The following FAM53A variants were observed in gnomAD, a reference collection of about 807,000 sequenced individuals.
The protein encoded by FAM53A is family with sequence similarity 53 member A, also known as protein FAM53A.
In FAM53A, 28 loss-of-function variants were observed where a neutral mutation model predicts 26.6. That is an observed-to-expected ratio of 1.05 (90% confidence interval 0.78 to 1.45). FAM53A has a LOEUF of 1.45. FAM53A is among the 40% of genes most tolerant of loss of function. The pLI is 0.00. For missense variants in FAM53A, 650 were observed against 575.8 expected (o/e 1.13, Z -1.32); for synonymous variants, 290 against 253.1 (o/e 1.15, Z -1.38).
chr4:1,595,956 C>T, the FAM53A span, among the ~76,000 whole-genome samples: 2 of 152,234 alleles, frequency 1.3e-5, no homozygotes, highest in African/African-American at 4.8e-5. Context: ...TCACTGTCTG[C>T]CCAAGGCACG....
intron 1 of FAM53A, among the ~76,000 whole-genome samples, chr4:1,672,863 G>A (rs372943527): frequency 4.4e-4 from 63 of 143,576 alleles, no homozygotes; most frequent in African/African-American, 1.5e-3. Flanking sequence ...TCCGCCTCCC[G>A]GGTTCAAGCG....
the FAM53A span, among the ~76,000 whole-genome samples, chr4:1,597,531 AC>A: frequency 2.0e-5 from 3 of 151,890 alleles, no homozygotes; most frequent in African/African-American, 7.3e-5. Flanking sequence ...CCTGCTCCAG[AC>A]CCCCAGCCCC....
At chr4:1,608,220 C>T in the FAM53A span, among the ~76,000 whole-genome samples, 24 of 152,252 alleles carry the variant, frequency 1.6e-4, 1 homozygote, top group South Asian at 4.2e-3. Flanking sequence ...TCCTCAGCCC[C>T]TCCCGGCCTC....
intron 1 of FAM53A, among the ~76,000 whole-genome samples, chr4:1,677,966 T>C (rs1304004975): frequency 6.6e-6 from 1 of 151,878 alleles, no homozygotes; most frequent in Non-Finnish European, 1.5e-5. Context: ...AAATAAAGTT[T>C]ATACAGAGAG....
chr4:1,676,393 C>T lies in FAM53A; in HGVS notation c.-164-7488G>A, dbSNP rs116609730. Among the ~76,000 whole-genome samples, 567 of 152,310 alleles carry T rather than the reference C, an allele frequency of 3.7e-3. 4 individuals are homozygous for T. The highest frequency in any genetic ancestry group is 5.7e-3 in the Non-Finnish European group (389 of 68,034). Reference sequence around the variant, plus strand: ...GCTCCAGTGTGACCCCATCTTAACTCATTACATCTGCAACAACCCTATTTC... The same window carrying T: ...GCTCCAGTGTGACCCCATCTTAACTTATTACATCTGCAACAACCCTATTTC... On this transcript the variant is annotated intron_variant, in intron 1 of 4. Coordinates refer to ENST00000308132, the MANE Select transcript of FAM53A (RefSeq NM_001174070.3).
At chr4:1,593,642 C>G in the FAM53A span, among the ~76,000 whole-genome samples, 1 of 151,988 alleles carries the variant, frequency 6.6e-6, no homozygotes, top group African/African-American at 2.4e-5. Context: ...AAAGATAGCG[C>G]GATACTGTCG....
chr4:1,662,356 G>T (rs1713897246), intron 2 of FAM53A, among the ~76,000 whole-genome samples: 1 of 151,816 alleles, frequency 6.6e-6, no homozygotes, highest in African/African-American at 2.4e-5. Context: ...GTGGATGCCT[G>T]TAATCCCAGC....
Position 1,651,736 on chromosome 4 carries a change from A to G in FAM53A, c.882+3242T>C, listed in dbSNP as rs539861808. On this transcript the variant is annotated intron_variant, in intron 4 of 4. Transcript: ENST00000308132. ...CAGGGACACGCAGGCTCAGCAAGGGACCCAAAGCTGGGGACAGGGACACAC... is the reference window on the plus strand; with the variant it reads ...CAGGGACACGCAGGCTCAGCAAGGGGCCCAAAGCTGGGGACAGGGACACAC... Among the ~76,000 whole-genome samples, 399 of 149,548 alleles carry G rather than the reference A, an allele frequency of 2.7e-3. 2 individuals are homozygous for G. The highest frequency in any genetic ancestry group is 9.2e-3 in the African/African-American group (378 of 40,946).
intron 2 of FAM53A, among the ~76,000 whole-genome samples, chr4:1,665,995 CTGT>C (rs1714197400): frequency 8.2e-6 from 1 of 122,228 alleles, no homozygotes; most frequent in African/African-American, 3.3e-5. Context: ...CCTGCACCCC[CTGT>C]ATCTAAAATA....
At chr4:1,645,215 G>A (rs1712131788) in intron 4 of FAM53A, among the ~76,000 whole-genome samples, 1 of 152,240 alleles carries the variant, frequency 6.6e-6, no homozygotes, top group Non-Finnish European at 1.5e-5. Context: ...GGCCGGCCAA[G>A]CCACAGAGGC....
intron 1 of FAM53A, among the ~76,000 whole-genome samples, chr4:1,671,513 G>A (rs10016675): frequency 1.9e-4 from 1 of 5,268 alleles, no homozygotes; most frequent in African/African-American, 2.3e-4. Flanking sequence ...CCACAGCCAC[G>A]GCCCGGACTC....
At chr4:1,682,507 C>G (rs1236067310) in intron 1 of FAM53A, among the ~76,000 whole-genome samples, 1 of 151,974 alleles carries the variant, frequency 6.6e-6, no homozygotes, top group East Asian at 1.9e-4. Context: ...GTGATCTGCC[C>G]GCCTCGGCCT....
chr4:1,632,185 T>C (rs1040660040), intron 1 of FAM53A, among the ~76,000 whole-genome samples: 2 of 150,634 alleles, frequency 1.3e-5, no homozygotes, highest in South Asian at 2.1e-4. Flanking sequence ...AAAAAAAGTT[T>C]AGTATTTGGA....
chr4:1,591,338 C>T, the FAM53A span, among the ~76,000 whole-genome samples: 1 of 152,122 alleles, frequency 6.6e-6, no homozygotes, highest in African/African-American at 2.4e-5. Context: ...TTTCTGCAGG[C>T]TGGCCCCCCT....
chr4:1,590,589 C>A, the FAM53A span, among the ~76,000 whole-genome samples: 2 of 152,098 alleles, frequency 1.3e-5, no homozygotes, highest in East Asian at 1.9e-4. Context: ...CAATCCAAAC[C>A]ATTTCAAGCC....
At position 1,641,378 on chromosome 4, in the gene FAM53A, G is replaced by A. The variant is rs775633001; in HGVS notation, c.1112C>T (p.Pro371Leu). 1 of 1,610,616 alleles carries A rather than the reference G, an allele frequency of 6.2e-7. No individual in the cohort carries two copies. ...CTCCCCGACACTGTCCCCATCACGG[G>A]GGTCCCCGCTGCTCCTGCGGGAGCC... ...SDGSRRSSGD[P>L]RDGDSVGEEG... The change falls in exon 5 of 5, where the codon CCC becomes CTC. Residue 371 changes from proline to leucine, a missense_variant. Coordinates refer to ENST00000308132, the MANE Select transcript of FAM53A (RefSeq NM_001174070.3).
chr4:1,652,825 C>A (rs1712983389), intron 4 of FAM53A, among the ~76,000 whole-genome samples: 1 of 145,594 alleles, frequency 6.9e-6, no homozygotes, highest in Non-Finnish European at 1.5e-5. Flanking sequence ...CACATACTAC[C>A]CACCACACAC....
At chr4:1,595,381 C>T in the FAM53A span, among the ~76,000 whole-genome samples, 21 of 152,330 alleles carry the variant, frequency 1.4e-4, no homozygotes, top group African/African-American at 3.8e-4. Flanking sequence ...CCCTCCCAGG[C>T]TTTTGTCTAT....
At chr4:1,602,070 G>C in the FAM53A span, among the ~76,000 whole-genome samples, 1 of 152,056 alleles carries the variant, frequency 6.6e-6, no homozygotes, top group African/African-American at 2.4e-5. Context: ...GTGTCACCTT[G>C]GCGTGCCAGG....
Sources: gnomAD v4.1 joint callset for allele counts (sites outside exome capture counted in the v4.1 genomes callset) on GRCh38, gnomAD v4.1.1 for gene constraint, MANE v1.5 for transcripts, NCBI Gene and HGNC (gene_info 2026-07-23, HGNC 2026-07-21) for gene names.